The following AMOTL1 variants were observed in gnomAD, a reference collection of about 807,000 sequenced individuals.
The protein encoded by AMOTL1 is angiomotin-like protein 1.
A neutral mutation model predicts 102.9 loss-of-function variants in AMOTL1; 45 were observed. The ratio of observed to expected loss-of-function variants is 0.44; its 90% confidence interval spans 0.34 to 0.56. AMOTL1 has a LOEUF of 0.56. Among genes scored for constraint, AMOTL1 ranks in the 20% least tolerant of loss-of-function variants. The pLI is 0.01. For missense variants in AMOTL1, 1,114 were observed against 1,225.6 expected, an observed-to-expected ratio of 0.91 and a Z score of 1.36; for synonymous variants, 481 against 484.7, an observed-to-expected ratio of 0.99 and a Z score of 0.10.
At chr11:94,719,394 T>C (rs941622188) in intron 1 of AMOTL1, among the ~76,000 whole-genome samples, 11 of 152,090 alleles carry the variant, frequency 7.2e-5, no homozygotes, top group Non-Finnish European at 1.0e-4. Flanking sequence ...AAGTATAATG[T>C]ACATTATATG....
At chr11:94,718,448 C>T (rs1950127949) in intron 1 of AMOTL1, among the ~76,000 whole-genome samples, 1 of 151,858 alleles carries the variant, frequency 6.6e-6, no homozygotes, top group South Asian at 2.1e-4. Flanking sequence ...AGTGAAATTG[C>T]TAAATCAAAT....
intron 1 of AMOTL1, among the ~76,000 whole-genome samples, chr11:94,771,527 C>T (rs1229565124): frequency 1.3e-5 from 2 of 151,760 alleles, no homozygotes; most frequent in Non-Finnish European, 2.9e-5. Flanking sequence ...TTTTTGTTTG[C>T]CTAGTGATTT....
rs1220214259 is a variant in AMOTL1 at position 94,829,919 on chromosome 11, A to G, written c.1414-131A>G. On this transcript the variant is annotated intron_variant, in intron 4 of 12. Coordinates refer to ENST00000433060, the MANE Select transcript of AMOTL1 (RefSeq NM_130847.3). ...AAATCGATTATACAGTTTGGTACAC[A>G]TGAAACTTGAGATGCAGAAAGACTG... The G allele has an allele frequency of 9.0e-6, 8 of 885,610 alleles. 1 individual carries two copies. The Admixed American group carries it at 1.8e-4, about 20-fold the overall frequency. 54.9% of individuals were successfully genotyped at this position (885,610 alleles called of 1,614,324 possible). A position where few individuals can be genotyped will look rare whatever the true frequency, so the allele number is the denominator to read the frequency against.
chr11:94,868,965 A>C (rs927282515), intron 11 of AMOTL1, among the ~76,000 whole-genome samples: 1 of 151,682 alleles, frequency 6.6e-6, no homozygotes, highest in Non-Finnish European at 1.5e-5. Flanking sequence ...AACAAAAAAA[A>C]CACACAAAAA....
intron 3 of AMOTL1, among the ~76,000 whole-genome samples, chr11:94,744,178 C>T (rs1682201239): frequency 1.3e-5 from 2 of 152,348 alleles, no homozygotes; most frequent in East Asian, 1.9e-4. Context: ...ATTACCCACA[C>T]TTATGTCTAA....
intron 1 of AMOTL1, among the ~76,000 whole-genome samples, chr11:94,769,578 T>C (rs1950915016): frequency 6.6e-6 from 1 of 152,154 alleles, no homozygotes; most frequent in South Asian, 2.1e-4. Context: ...AGACTTTCCT[T>C]TTCCATTTTT....
chr11:94,760,905 C>T (rs965079489), intron 3 of AMOTL1, among the ~76,000 whole-genome samples: 2 of 152,082 alleles, frequency 1.3e-5, no homozygotes, highest in African/African-American at 4.8e-5. Flanking sequence ...TCACTGTAAC[C>T]TCAAACTCCA....
At chr11:94,868,623 G>A (rs1173609884) in intron 11 of AMOTL1, among the ~76,000 whole-genome samples, 1 of 152,156 alleles carries the variant, frequency 6.6e-6, no homozygotes, top group African/African-American at 2.4e-5. Context: ...CAAGCCTGTG[G>A]GGGACCATCA....
chr11:94,811,552 A>G (rs1591990861), intron 3 of AMOTL1, among the ~76,000 whole-genome samples: 1 of 141,244 alleles, frequency 7.1e-6, no homozygotes, highest in South Asian at 2.3e-4. Context: ...TCCTTTTCCC[A>G]TTTTTTTTTT....
intron 3 of AMOTL1, among the ~76,000 whole-genome samples, chr11:94,753,227 G>C (rs917850868): frequency 1.3e-5 from 2 of 151,116 alleles, no homozygotes; most frequent in African/African-American, 4.9e-5. Flanking sequence ...AAAAGAATTA[G>C]CACATTTAAA....
chr11:94,861,954 G>A (rs1952782841), intron 9 of AMOTL1, among the ~76,000 whole-genome samples: 1 of 152,110 alleles, frequency 6.6e-6, no homozygotes, highest in Non-Finnish European at 1.5e-5. Context: ...CCCACTCACA[G>A]GATTCTAGGC....
chr11:94,870,541 T>C, intron 12 of AMOTL1, 148 bp from the exon 13 acceptor site: 1 of 567,340 alleles, frequency 1.8e-6, no homozygotes. Flanking sequence ...TTCTGCATGT[T>C]CCCACTGTGG....
intron 2 of AMOTL1, among the ~76,000 whole-genome samples, chr11:94,734,891 T>C (rs1411903994): frequency 1.3e-5 from 2 of 152,224 alleles, no homozygotes; most frequent in African/African-American, 2.4e-5. Context: ...ACACACATCC[T>C]AGTGGGCCCT....
chr11:94,774,748 C>G (rs577726382), intron 1 of AMOTL1, among the ~76,000 whole-genome samples: 2 of 152,308 alleles, frequency 1.3e-5, no homozygotes, highest in South Asian at 4.1e-4. Context: ...GTACTGGAAA[C>G]ACATGTTAAG....
chr11:94,740,307 C>T (rs1045092285), intron 2 of AMOTL1: 6 of 152,208 alleles, frequency 3.9e-5, no homozygotes, highest in Non-Finnish European at 7.3e-5. Flanking sequence ...GCAGACATAA[C>T]ATAACAGAGC....
At chr11:94,752,854 G>A (rs1005037024) in intron 3 of AMOTL1, among the ~76,000 whole-genome samples, 4 of 152,120 alleles carry the variant, frequency 2.6e-5, no homozygotes, top group African/African-American at 7.2e-5. Flanking sequence ...GTGGGGTGGG[G>A]TACAATAGTC....
intron 4 of AMOTL1, 45 bp from the exon 5 acceptor site, chr11:94,830,005 C>T (rs180863000): frequency 1.4e-4 from 212 of 1,535,324 alleles, no homozygotes; most frequent in Non-Finnish European, 1.6e-4. Context: ...AAGACACCAG[C>T]ATGAATGTCA....
chr11:94,790,089 AATT>A (rs1951258059), intron 1 of AMOTL1, among the ~76,000 whole-genome samples: 1 of 152,146 alleles, frequency 6.6e-6, no homozygotes, highest in African/African-American at 2.4e-5. Flanking sequence ...AGGTACAAGG[AATT>A]ATCTGGAATT....
At chr11:94,863,348 T>G (rs570435685) in intron 9 of AMOTL1, among the ~76,000 whole-genome samples, 7 of 150,772 alleles carry the variant, frequency 4.6e-5, no homozygotes, top group African/African-American at 1.7e-4. Flanking sequence ...ATCCCAGCAC[T>G]CTGGGAGGCT....
Sources: gnomAD v4.1 joint callset for allele counts (sites outside exome capture counted in the v4.1 genomes callset) on GRCh38, gnomAD v4.1.1 for gene constraint, MANE v1.5 for transcripts, NCBI Gene and HGNC (gene_info 2026-07-23, HGNC 2026-07-21) for gene names.